MPZL2: variants seen among roughly 807,000 people sequenced by gnomAD.
MPZL2 encodes myelin protein zero like 2.
Under a neutral mutation model 24.5 loss-of-function variants are expected in MPZL2, and 32 were observed. The ratio of observed to expected loss-of-function variants is 1.31; its 90% CI spans 0.99 to 1.76. The LOEUF is 1.76. MPZL2 is among the 40% of genes most tolerant of loss of function. The pLI is 0.00. For synonymous variants in MPZL2, 92 were observed against 97.9 expected (o/e 0.94, Z 0.36); for missense variants, 304 against 274.9 (o/e 1.11, Z -0.75).
At position 118,264,098 on chromosome 11, in the gene MPZL2, G is replaced by C; in HGVS notation, c.56C>G (p.Thr19Arg). The C allele has an allele frequency of 6.2e-7, 1 of 1,614,074 alleles. No individual in the cohort carries two copies. The change falls in exon 1 of 6, where the codon ACA becomes AGA. Residue 19 changes from threonine (T) to arginine (R), a missense_variant and splice_region_variant. By Grantham distance (71) the Thr-to-Arg change is moderately conservative. Transcript: ENST00000278937. Reference protein sequence around the residue: ...AVLLLLGIQLTALWPIAAVEI... With the variant: ...AVLLLLGIQLRALWPIAAVEI... ...GAGAGAAGCCCGCCGGCTCTTACCTGTGAGCTGTATGCCAAGGAGAAGAAG... is the reference window on the plus strand; with the variant it reads ...GAGAGAAGCCCGCCGGCTCTTACCTCTGAGCTGTATGCCAAGGAGAAGAAG...
Position 118,257,254 on chromosome 11 carries a change from T to A in MPZL2, c.644A>T (p.Asp215Val), listed in dbSNP as rs1358334955. ...GAACCTTACCATCTAAAATTGTTAG[T>A]CTGTGTCTTCTAAATAAACAGAGAC... ...KKVSVYLEDT[D>V] The change falls in exon 5 of 6, where the codon GAC (aspartate) becomes GTC (valine). Residue 215 changes from aspartate to valine, a missense_variant. Coordinates refer to ENST00000278937, the MANE Select transcript of MPZL2 (RefSeq NM_005797.4). 8 of 1,610,470 alleles carry A rather than the reference T, an allele frequency of 5.0e-6. No homozygotes were observed. Among genetic ancestry groups the A allele is most frequent in the Admixed American group, 1.7e-5 (1 of 59,634 alleles).
intron 2 of MPZL2, 135 bp downstream of exon 2, chr11:118,262,796 T>C: frequency 7.3e-7 from 1 of 1,374,028 alleles, no homozygotes; most frequent in Non-Finnish European, 1.0e-6. Flanking sequence ...CCTCTCAGTC[T>C]CTGTCCCAAG....
intron 4 of MPZL2, among the ~76,000 whole-genome samples, chr11:118,258,141 A>G (rs1005215623): frequency 6.6e-6 from 1 of 152,226 alleles, no homozygotes; most frequent in African/African-American, 2.4e-5. Context: ...ACGAAAACGA[A>G]CTCAAAGATC....
Position 118,260,063 on chromosome 11 carries a change from T to A in MPZL2, c.575A>T (p.Glu192Val), listed in dbSNP as rs765398163. Reference sequence around the variant, plus strand: ...AACTGCCCAGCCTTACGATTTTATCTCCACCACTTTATGAGCTCTTTCGGC... The same window carrying A: ...AACTGCCCAGCCTTACGATTTTATCACCACCACTTTATGAGCTCTTTCGGC... Reference protein sequence around the residue: ...RWAERAHKVVEIKSKEEERLN... With the variant: ...RWAERAHKVVVIKSKEEERLN... Residue 192 changes from glutamate to valine, a missense_variant, in exon 4 of 6, where the codon GAG becomes GTG. Transcript: ENST00000278937. The A allele has an allele frequency of 1.6e-5, 26 of 1,613,982 alleles. No individual in the cohort carries two copies. The South Asian group carries it at 2.9e-4, about 18-fold the overall frequency.
intron 3 of MPZL2, among the ~76,000 whole-genome samples, chr11:118,261,804 G>A (rs1328417033): frequency 6.6e-6 from 1 of 152,144 alleles, no homozygotes; most frequent in Non-Finnish European, 1.5e-5. Context: ...AAGTTGATTG[G>A]GTTTGAGTCC....
chr11:118,256,207 C>T (rs1039850517), intron 5 of MPZL2, among the ~76,000 whole-genome samples: 1 of 152,062 alleles, frequency 6.6e-6, no homozygotes, highest in Admixed American at 6.6e-5. Flanking sequence ...AATGTTCTCC[C>T]GTGTAACAGA....
intron 3 of MPZL2, among the ~76,000 whole-genome samples, chr11:118,261,029 T>A (rs1385067532): frequency 6.6e-6 from 1 of 152,250 alleles, no homozygotes; most frequent in Admixed American, 6.5e-5. Flanking sequence ...TCTCATTTTG[T>A]ATGTCTCCAC....
At chr11:118,259,001 A>C (rs1190147979) in intron 4 of MPZL2, among the ~76,000 whole-genome samples, 1 of 124,622 alleles carries the variant, frequency 8.0e-6, no homozygotes, top group South Asian at 2.8e-4. Context: ...GGCCTAATAC[A>C]CGGTTATGAT....
At chr11:118,258,519 G>A (rs1157326013) in intron 4 of MPZL2, among the ~76,000 whole-genome samples, 2 of 152,094 alleles carry the variant, frequency 1.3e-5, no homozygotes, top group African/African-American at 4.8e-5. Context: ...ATAAGAACAT[G>A]GGAAGATGCT....
intron 4 of MPZL2, chr11:118,259,278 T>C (rs1949682620): frequency 6.6e-6 from 1 of 152,194 alleles, no homozygotes; most frequent in East Asian, 1.9e-4. Context: ...TGCCCATCAA[T>C]TGAATGGACA....
intron 4 of MPZL2, chr11:118,259,783 A>AT (rs1044151729): frequency 6.6e-5 from 19 of 288,760 alleles, no homozygotes; most frequent in Non-Finnish European, 1.0e-4. Context: ...AACATAAGGG[A>AT]TTTTTTAGAA....
Position 118,262,959 on chromosome 11 carries a change from C to T in MPZL2, c.197G>A (p.Arg66His), listed in dbSNP as rs187771174. The change falls in exon 2 of 6, where the codon CGT (arginine) becomes CAT (histidine). Residue 66 changes from arginine to histidine, a missense_variant. Transcript: ENST00000278937. ...CTGCTCAGGTCCCCCGTCTAGAGGA[C>T]GAAAATTCCAGGTCACTGTTAGAGC... Reference protein sequence around the residue: ...GDALTVTWNFRPLDGGPEQFV... With the variant: ...GDALTVTWNFHPLDGGPEQFV... 1.5e-5 allele frequency: 25 copies of T among 1,614,074 alleles called. No individual in the cohort carries two copies. Among genetic ancestry groups the T allele is most frequent in the East Asian group, 2.2e-5 (1 of 44,878 alleles).
At chr11:118,262,762 G>T in intron 2 of MPZL2, 114 bp from the exon 3 acceptor site, 1 of 1,345,304 alleles carries the variant, frequency 7.4e-7, no homozygotes, top group East Asian at 2.3e-5. Context: ...CTGCAGCTCT[G>T]TCACTTGCTT....
chr11:118,257,178 G>T, intron 5 of MPZL2, 60 bp downstream of exon 5: 1 of 1,264,870 alleles, frequency 7.9e-7, no homozygotes, highest in Non-Finnish European at 1.1e-6. Context: ...GTCCTCATTA[G>T]AGATGGGCTG....
intron 3 of MPZL2, among the ~76,000 whole-genome samples, chr11:118,260,974 T>A (rs558282810): frequency 6.6e-6 from 1 of 152,222 alleles, no homozygotes; most frequent in East Asian, 1.9e-4. Context: ...TGAAGGAGGA[T>A]GGGGAAGAGG....
At chr11:118,259,989 C>T (rs542386183) in intron 4 of MPZL2, 65 bp downstream of exon 4, 202 of 1,567,242 alleles carry the variant, frequency 1.3e-4, no homozygotes, top group Non-Finnish European at 1.6e-4. Flanking sequence ...ACTATTTAGC[C>T]CACTGCAAAA....
At chr11:118,260,336 T>A in intron 3 of MPZL2, 135 bp from the exon 4 acceptor site, 1 of 850,344 alleles carries the variant, frequency 1.2e-6, no homozygotes, top group East Asian at 2.7e-5. Context: ...AAATAATATA[T>A]TACCTTGTGA....
rs1408066716 is a variant in MPZL2, at chr11:118,254,207, A to G, written c.*1039T>C. 1 of 152,230 alleles carries G rather than the reference A, an allele frequency of 6.6e-6. No homozygotes were observed. Among genetic ancestry groups the G allele is most frequent in the Non-Finnish European group, 1.5e-5 (1 of 68,038 alleles). 9.4% of individuals were successfully genotyped at this position (152,230 alleles called of 1,614,324 possible). A position where few individuals can be genotyped will look rare whatever the true frequency, so the allele number is the denominator to read the frequency against. ...CATACCAAAGTCTTCCTCCCCCAAA[A>G]TAAACAAGTGAATTAGAATTAAAAA... On this transcript the variant is annotated 3_prime_UTR_variant, in exon 6 of 6. Coordinates refer to ENST00000278937, the MANE Select transcript of MPZL2 (RefSeq NM_005797.4).
chr11:118,259,736 T>C (rs1179954946), intron 4 of MPZL2: 2 of 196,340 alleles, frequency 1.0e-5, no homozygotes, highest in African/African-American at 4.7e-5. Context: ...GCTGACTGCC[T>C]AGCCCAGTGG....
Sources: gnomAD v4.1 joint callset for allele counts (sites outside exome capture counted in the v4.1 genomes callset) on GRCh38, gnomAD v4.1.1 for gene constraint, MANE v1.5 for transcripts, NCBI Gene and HGNC (gene_info 2026-07-23, HGNC 2026-07-21) for gene names.